The following CDH4 variants were observed in gnomAD, a reference collection of about 807,000 sequenced individuals.
CDH4 encodes the protein cadherin-4.
A neutral mutation model predicts 86.0 loss-of-function variants in CDH4; 33 were observed. That is an observed-to-expected ratio of 0.38 (90% CI 0.29 to 0.51). CDH4 has a LOEUF of 0.51. CDH4 is among the 20% of genes least tolerant of loss of function. The pLI is 0.86. For missense variants in CDH4, 1,114 were observed against 1,307.4 expected (o/e 0.85, Z 2.28); for synonymous variants, 555 against 549.4 (o/e 1.01, Z -0.14).
chr20:61,656,121 C>T (rs748067249), intron 2 of CDH4, among the ~76,000 whole-genome samples: 31 of 152,276 alleles, frequency 2.0e-4, no homozygotes, highest in African/African-American at 6.0e-4. Flanking sequence ...TGGCTGGAGA[C>T]GAACCACCCA....
intron 4 of CDH4, among the ~76,000 whole-genome samples, chr20:61,784,809 C>A (rs373256270): frequency 1.3e-5 from 2 of 152,176 alleles, no homozygotes; most frequent in African/African-American, 2.4e-5. Context: ...CCTGTGCCCC[C>A]GGGGCCTCAT....
chr20:61,733,627 G>A (rs2088223298), intron 2 of CDH4, among the ~76,000 whole-genome samples: 1 of 151,488 alleles, frequency 6.6e-6, no homozygotes, highest in African/African-American at 2.4e-5. Context: ...GAGGAAATGG[G>A]TACACGATGG....
At chr20:61,695,814 C>T (rs570880331) in intron 2 of CDH4, among the ~76,000 whole-genome samples, 6 of 152,376 alleles carry the variant, frequency 3.9e-5, no homozygotes, top group Non-Finnish European at 7.3e-5. Flanking sequence ...TCCTTCCCCT[C>T]TCTGCAGTTG....
At chr20:61,843,164 A>G (rs989659457) in intron 4 of CDH4, among the ~76,000 whole-genome samples, 1 of 151,406 alleles carries the variant, frequency 6.6e-6, no homozygotes, top group African/African-American at 2.5e-5. Context: ...TAAAGCCAGA[A>G]GTTCGGCCAG....
At chr20:61,586,412 A>G (rs1378722879) in intron 2 of CDH4, among the ~76,000 whole-genome samples, 1 of 152,170 alleles carries the variant, frequency 6.6e-6, no homozygotes, top group Non-Finnish European at 1.5e-5. Flanking sequence ...TTCCTTTCCC[A>G]GCTGACCCCA....
At chr20:61,659,555 T>C (rs1308190979) in intron 2 of CDH4, among the ~76,000 whole-genome samples, 1 of 151,254 alleles carries the variant, frequency 6.6e-6, no homozygotes, top group Non-Finnish European at 1.5e-5. Context: ...GCCTCAGGCA[T>C]CCGAGGCTTG....
chr20:61,267,400 C>G (rs1453870731), intron 2 of CDH4, among the ~76,000 whole-genome samples: 3 of 152,148 alleles, frequency 2.0e-5, no homozygotes, highest in African/African-American at 7.2e-5. Context: ...AACCGTGTTA[C>G]CTGGGAAGGT....
At position 61,516,691 on chromosome 20, in the gene CDH4, G is replaced by A. The variant is rs989145551; in HGVS notation, c.170-226872G>A. ...TTGATTGTAATAGCACAGGGCTGCA[G>A]CACAGGCTCAGGGTGCAATGTCAAA... On this transcript the variant is annotated intron_variant, in intron 2 of 15. Transcript: ENST00000614565. The surrounding 1 kb of genome is among the most constrained non-coding windows in gnomAD (Gnocchi z 4.0). 6.6e-6 allele frequency among the ~76,000 whole-genome samples: 1 copy of A among 152,228 alleles called. No homozygotes were observed. Among genetic ancestry groups the A allele is most frequent in the Non-Finnish European group, 1.5e-5 (1 of 68,032 alleles).
chr20:61,756,432 C>T (rs2088565655), intron 3 of CDH4, among the ~76,000 whole-genome samples: 1 of 152,116 alleles, frequency 6.6e-6, no homozygotes, highest in African/African-American at 2.4e-5. Context: ...CAGGAGAGGC[C>T]TAGGCCAGGG....
At chr20:61,806,177 C>G (rs1414785353) in intron 4 of CDH4, among the ~76,000 whole-genome samples, 1 of 152,234 alleles carries the variant, frequency 6.6e-6, no homozygotes, top group Non-Finnish European at 1.5e-5. Flanking sequence ...CGGCAGTGAC[C>G]TCTTAGTAGC....
intron 2 of CDH4, among the ~76,000 whole-genome samples, chr20:61,725,316 C>T (rs2088097270): frequency 6.6e-6 from 1 of 152,198 alleles, no homozygotes; most frequent in Non-Finnish European, 1.5e-5. Flanking sequence ...ATAGACAGTG[C>T]ACACTGCACA....
intron 4 of CDH4, among the ~76,000 whole-genome samples, chr20:61,803,195 T>C (rs60485069): frequency 0.17 from 25,195 of 151,990 alleles, 2,291 homozygotes; most frequent in East Asian, 0.24. Context: ...GTGGACGGGC[T>C]GAGGTCTTCC....
rs192196834 is a variant in CDH4, at chr20:61,697,555, G to C, written c.170-46008G>C. On this transcript the variant is annotated intron_variant, in intron 2 of 15. Transcript: ENST00000614565. Reference sequence around the variant, plus strand: ...GGAGGTTGCAGTGAGCCGAGATCACGCCACTGCACTCCAGCCTGGGCGACA... The same window carrying C: ...GGAGGTTGCAGTGAGCCGAGATCACCCCACTGCACTCCAGCCTGGGCGACA... 7.4e-4 allele frequency among the ~76,000 whole-genome samples: 112 copies of C among 152,210 alleles called. 4 individuals carry two copies. The highest frequency in any genetic ancestry group is 2.6e-3 in the African/African-American group (107 of 41,532).
intron 2 of CDH4, among the ~76,000 whole-genome samples, chr20:61,656,270 TGCTGGGGTGGGCAGGC>T (rs2087187573): frequency 8.2e-6 from 1 of 122,298 alleles, no homozygotes; most frequent in Non-Finnish European, 1.7e-5. Context: ...GGCAGGCGCG[TGCTGGGGTGGGCAGGC>T]GCGTGCTGGG....
intron 2 of CDH4, among the ~76,000 whole-genome samples, chr20:61,535,539 G>A (rs913491528): frequency 6.6e-6 from 1 of 152,252 alleles, no homozygotes; most frequent in African/African-American, 2.4e-5. Context: ...AATGTTTTTA[G>A]AAATAAATTA....
intron 2 of CDH4, among the ~76,000 whole-genome samples, chr20:61,438,514 T>C (rs1207118653): frequency 1.4e-4 from 22 of 152,242 alleles, no homozygotes; most frequent in Non-Finnish European, 7.3e-5. Context: ...TTTTCTCTTT[T>C]ATCAGGGGTT....
chr20:61,301,589 T>G (rs1231792919), intron 2 of CDH4, among the ~76,000 whole-genome samples: 1 of 152,216 alleles, frequency 6.6e-6, no homozygotes, highest in Non-Finnish European at 1.5e-5. Context: ...GCTTTAAAAA[T>G]AGGTTTCATA....
At chr20:61,548,910 T>A (rs923386609) in intron 2 of CDH4, among the ~76,000 whole-genome samples, 1 of 151,802 alleles carries the variant, frequency 6.6e-6, no homozygotes, top group Non-Finnish European at 1.5e-5. Context: ...ATTAGGAAGA[T>A]TACAGAGCTG....
At position 61,277,384 on chromosome 20, in the gene CDH4, T is replaced by C. The variant is rs188195309; in HGVS notation, c.169+22447T>C. ...TTGTGACTTTGTGTGTGCGTGTGTA[T>C]GCATGTGTTAGATAGCAGCGAGAGA... On this transcript the variant is annotated intron_variant, in intron 2 of 15. Coordinates refer to ENST00000614565, the MANE Select transcript of CDH4 (RefSeq NM_001794.5). Among the ~76,000 whole-genome samples, 81 of 152,330 alleles carry C rather than the reference T, an allele frequency of 5.3e-4. 2 individuals are homozygous for C. In the East Asian group the frequency reaches 0.014, roughly 27 times the overall value.
Sources: gnomAD v4.1 joint callset for allele counts (sites outside exome capture counted in the v4.1 genomes callset) on GRCh38, gnomAD v4.1.1 for gene constraint, Gnocchi (gnomAD v3.1) non-coding constraint, MANE v1.5 for transcripts, NCBI Gene and HGNC (gene_info 2026-07-23, HGNC 2026-07-21) for gene names.